Variants in PFKFB1 observed in about 807,000 individuals in gnomAD.
The protein encoded by PFKFB1 is 6-phosphofructo-2-kinase/fructose-2,6-bisphosphatase 1.
PFKFB1 carries 34 observed loss-of-function variants against 46.4 expected under a neutral mutation model. The observed-to-expected ratio is 0.73, with a 90% CI of 0.56 to 0.98. The LOEUF (loss-of-function observed/expected upper bound fraction) is 0.98, where lower values mean the gene tolerates loss of function less well. Among genes scored for constraint, PFKFB1 ranks in the 50% least tolerant of loss-of-function variants. The pLI is 0.00. For missense variants in PFKFB1, 393 were observed against 376.3 expected, an observed-to-expected ratio of 1.04 and a Z score of -0.37; for synonymous variants, 119 against 133.8, an observed-to-expected ratio of 0.89 and a Z score of 0.76.
At chrX:54,995,762 C>T (rs931473244), upstream of PFKFB1, among the ~76,000 whole-genome samples, 1 of 112,480 alleles carries the variant, frequency 8.9e-6, no homozygotes, top group Non-Finnish European at 1.9e-5. Flanking sequence ...CTGTTACTCC[C>T]TTTGGGAGGT....
At chrX:54,951,836 C>CA in intron 8 of PFKFB1, 69 bp downstream of exon 8, 2 of 922,975 alleles carry the variant, frequency 2.2e-6, no homozygotes, top group South Asian at 4.3e-5. Flanking sequence ...AGAATGTGGC[C>CA]ACCACTACAC....
intron 1 of PFKFB1, among the ~76,000 whole-genome samples, chrX:54,977,965 A>AAGTAAACT (rs778263551): frequency 9.0e-6 from 1 of 110,972 alleles, no homozygotes; most frequent in Admixed American, 9.6e-5. Flanking sequence ...GTGAACCCTA[A>AAGTAAACT]AGTAAACTAT....
intron 10 of PFKFB1, among the ~76,000 whole-genome samples, chrX:54,938,147 G>C (rs1428017120): frequency 8.9e-6 from 1 of 112,230 alleles, no homozygotes; most frequent in African/African-American, 3.2e-5. Flanking sequence ...TAGTAACTAA[G>C]AGTTTTGAGT....
intron 1 of PFKFB1, among the ~76,000 whole-genome samples, chrX:54,988,821 C>T (rs1467307579): frequency 1.8e-5 from 2 of 111,849 alleles, no homozygotes; most frequent in African/African-American, 6.5e-5. Context: ...CATCTCACAC[C>T]ACATGCAAAT....
chrX:54,986,771 A>G (rs765977328), intron 1 of PFKFB1, among the ~76,000 whole-genome samples: 1 of 112,013 alleles, frequency 8.9e-6, no homozygotes, highest in Non-Finnish European at 1.9e-5. Context: ...CAAGAGAGAC[A>G]ATATTCTAGG....
chrX:54,961,458 C>T (rs1408300619), intron 2 of PFKFB1, among the ~76,000 whole-genome samples: 4 of 111,166 alleles, frequency 3.6e-5, no homozygotes, highest in African/African-American at 1.3e-4. Context: ...CCATACTTTC[C>T]CACTTGCAAT....
rs1393973767 is a variant in PFKFB1 at position 54,966,176 on chromosome X, C to T, written c.98-2794G>A. Among the ~76,000 whole-genome samples, 3 of 111,647 alleles carry T rather than the reference C, an allele frequency of 2.7e-5. No individual in the cohort carries two copies. The East Asian group carries it at 8.5e-4, about 31-fold the overall frequency. On this transcript the variant is annotated intron_variant, in intron 1 of 13. Transcript: ENST00000375006. ...TCAGATTAGATTAAAAAGTAGGATC[C>T]AACTACATGCCATTTACAAAACATA... is the stretch of plus-strand genomic sequence containing the variant.
rs1301364116 is a variant in PFKFB1, at chrX:54,994,073, G to T, written c.-66C>A. On this transcript the variant is annotated 5_prime_UTR_variant, in exon 1 of 14. Transcript: ENST00000375006. ...CCTGGCCTCACTTCCTATCTTACTA[G>T]CTGTCTTTTCTCTCGCTGTGGCCAC... 2.6e-6 allele frequency: 3 copies of T among 1,157,925 alleles called. No homozygotes were observed. The highest frequency in any genetic ancestry group is 3.5e-6 in the Non-Finnish European group (3 of 868,128).
chrX:54,952,179 G>T, intron 7 of PFKFB1, 67 bp from the exon 8 acceptor site: 8 of 861,238 alleles, frequency 9.3e-6, no homozygotes, highest in Non-Finnish European at 1.2e-5. Flanking sequence ...GACCCCGAGA[G>T]AAACCCCGAA....
chrX:54,945,483 G>C lies in PFKFB1; in HGVS notation c.1054C>G (p.Leu352Val), dbSNP rs200225578. ...IQEHYPEEFALRDQDKYRYRY... is the reference protein window; with the variant it reads ...IQEHYPEEFAVRDQDKYRYRY... ...TAGCGATATTTATCTTGGTCTCGCAGTGCAAATTCTTCAGGGTAATGTTCC... is the reference window on the plus strand; with the variant it reads ...TAGCGATATTTATCTTGGTCTCGCACTGCAAATTCTTCAGGGTAATGTTCC... The change falls in exon 10 of 14, where the codon CTG (leucine) becomes GTG (valine). Residue 352 changes from leucine to valine, a missense_variant. Leu to Val is a conservative substitution (Grantham distance 32). Transcript: ENST00000375006. 1 of 1,204,546 alleles carries C rather than the reference G, an allele frequency of 8.3e-7. No individual in the cohort carries two copies. The highest frequency in any genetic ancestry group is 1.1e-6 in the Non-Finnish European group (1 of 889,624).
intron 1 of PFKFB1, among the ~76,000 whole-genome samples, chrX:54,968,871 C>T (rs1176215700): frequency 9.0e-6 from 1 of 110,993 alleles, no homozygotes; most frequent in Non-Finnish European, 1.9e-5. Flanking sequence ...TCAACTTACT[C>T]TGTGAGGCCA....
At chrX:54,958,737 A>G in intron 5 of PFKFB1, 114 bp downstream of exon 5, 1 of 497,986 alleles carries the variant, frequency 2.0e-6, no homozygotes. Context: ...GAACCAAATT[A>G]AAATGTTGAG....
Position 54,993,892 on chromosome X carries a change from G to A in PFKFB1, c.97+19C>T, listed in dbSNP as rs375557537. The A allele has an allele frequency of 1.1e-5, 13 of 1,194,146 alleles. No homozygotes were observed. The East Asian group carries it at 1.5e-4, about 14-fold the overall frequency. Reference sequence around the variant, plus strand: ...CTACCACCACCACCTTTAAACCCACGGAAGCAAACCCCACTTACAGCCCCT... The same window carrying A: ...CTACCACCACCACCTTTAAACCCACAGAAGCAAACCCCACTTACAGCCCCT... On this transcript the variant is annotated intron_variant, in intron 1 of 13. Transcript: ENST00000375006.
intron 1 of PFKFB1, among the ~76,000 whole-genome samples, chrX:54,990,055 C>A (rs993170063): frequency 4.5e-5 from 5 of 111,148 alleles, no homozygotes; most frequent in African/African-American, 1.6e-4. Flanking sequence ...TCTCATTGGA[C>A]ACTTAAATTA....
In PFKFB1 at chrX:54,958,893, T is replaced by C. The variant is rs755065289; in HGVS notation, c.417A>G (p.Arg139=). 48 of 1,197,511 alleles carry C rather than the reference T, an allele frequency of 4.0e-5. No homozygotes were observed. In the Admixed American group the frequency reaches 1.0e-3, roughly 25 times the overall value. Residue 139 remains arginine, a synonymous_variant, in exon 5 of 14, where the codon CGA becomes CGG. Coordinates refer to ENST00000375006, the MANE Select transcript of PFKFB1 (RefSeq NM_002625.4). ...TTGCAAACTGCAGGATCAGTGACCG[T>C]CGTTCTCTGGTAGTGTTGGTGGCAT... The part of the protein sequence containing the change: ...VFDATNTTRE[R]RSLILQFAKE...
At chrX:54,960,754 TC>T (rs1934285732) in intron 3 of PFKFB1, 69 bp downstream of exon 3, 2 of 686,627 alleles carry the variant, frequency 2.9e-6, no homozygotes, top group South Asian at 4.5e-5. Flanking sequence ...TCTGCCCTAC[TC>T]CCCCAATATC....
intron 2 of PFKFB1, among the ~76,000 whole-genome samples, chrX:54,961,193 A>T (rs1429296275): frequency 9.0e-6 from 1 of 110,820 alleles, no homozygotes; most frequent in Non-Finnish European, 1.9e-5. Context: ...TGGATATCTG[A>T]GATCAAACCC....
Position 54,980,710 on chromosome X carries a change from AACACACACACACACACAC to A in PFKFB1, c.97+13183_97+13200del, listed in dbSNP as rs751759536. 1.2e-3 allele frequency among the ~76,000 whole-genome samples: 99 copies of A among 83,389 alleles called. No individual in the cohort carries two copies. The East Asian group carries it at 0.025, about 21-fold the overall frequency. The allele number at this position is 83,389 out of a possible 115,157, so 72.4% of individuals were successfully genotyped here. On this transcript the variant is annotated intron_variant, in intron 1 of 13. Coordinates refer to ENST00000375006, the MANE Select transcript of PFKFB1 (RefSeq NM_002625.4). ...TACCCGTGTAGGAAGAAAAAAAGCC[AACACACACACACACACAC>A]ACACACACACACACACACACACACA...
intron 8 of PFKFB1, among the ~76,000 whole-genome samples, chrX:54,950,277 C>G (rs1460745111): frequency 8.9e-6 from 1 of 111,828 alleles, no homozygotes; most frequent in East Asian, 2.8e-4. Flanking sequence ...GAGGTATGAG[C>G]CATAGGTTAA....
Sources: gnomAD v4.1 joint callset for allele counts (sites outside exome capture counted in the v4.1 genomes callset) on GRCh38, gnomAD v4.1.1 for gene constraint, MANE v1.5 for transcripts, NCBI Gene and HGNC (gene_info 2026-07-23, HGNC 2026-07-21) for gene names.